The following RORA variants were observed in gnomAD, a reference collection of about 807,000 sequenced individuals.
RORA encodes the protein nuclear receptor ROR-alpha.
RORA carries 7 observed loss-of-function variants against 69.5 expected under a neutral mutation model. That is an observed-to-expected ratio of 0.10 (90% confidence interval 0.06 to 0.19). The LOEUF (loss-of-function observed/expected upper bound fraction) is 0.19, where lower values mean the gene tolerates loss of function less well. Ranked by LOEUF, RORA falls within the 10% of genes least tolerant of loss-of-function variation. The probability of loss-of-function intolerance (pLI) is 1.00; values close to 1 mark genes in which losing one functional copy is unlikely to be tolerated. For missense variants in RORA, 457 were observed against 663.0 expected, an observed-to-expected ratio of 0.69 and a Z score of 3.41; for synonymous variants, 261 against 240.8, an observed-to-expected ratio of 1.08 and a Z score of -0.78.
At chr15:61,087,400 G>A (rs1019325742) in intron 1 of RORA, among the ~76,000 whole-genome samples, 1 of 152,190 alleles carries the variant, frequency 6.6e-6, no homozygotes, top group African/African-American at 2.4e-5. Flanking sequence ...CTGGCTCTCA[G>A]CAGTGTCTTC....
intron 2 of RORA, among the ~76,000 whole-genome samples, chr15:60,617,300 A>G (rs1436377706): frequency 6.6e-6 from 1 of 152,190 alleles, no homozygotes; most frequent in East Asian, 1.9e-4. Flanking sequence ...CCCAGTCTTC[A>G]TTAAGTGCTT....
intron 1 of RORA, among the ~76,000 whole-genome samples, chr15:60,770,730 C>T (rs928071361): frequency 6.6e-6 from 1 of 152,200 alleles, no homozygotes; most frequent in African/African-American, 2.4e-5. Context: ...ACAAGAGATC[C>T]TCCTGCCTCA....
chr15:60,919,529 C>T (rs1021017497), intron 1 of RORA, among the ~76,000 whole-genome samples: 1 of 152,174 alleles, frequency 6.6e-6, no homozygotes, highest in Non-Finnish European at 1.5e-5. Context: ...GCCTCTGCAT[C>T]CATTATAGAG....
intron 1 of RORA, among the ~76,000 whole-genome samples, chr15:61,228,729 G>A (rs1455027155): frequency 1.3e-5 from 2 of 152,046 alleles, no homozygotes; most frequent in African/African-American, 4.8e-5. Context: ...TATTTTGGGG[G>A]AGCGTATTTA....
intron 2 of RORA, among the ~76,000 whole-genome samples, chr15:60,639,671 C>A (rs2069906449): frequency 6.6e-6 from 1 of 152,172 alleles, no homozygotes; most frequent in Admixed American, 6.5e-5. Flanking sequence ...CATCGGGTTG[C>A]ACAAGCAATT....
At chr15:60,860,449 G>C (rs2073426388) in intron 1 of RORA, among the ~76,000 whole-genome samples, 1 of 152,176 alleles carries the variant, frequency 6.6e-6, no homozygotes, top group Non-Finnish European at 1.5e-5. Flanking sequence ...TTCTGAGAAT[G>C]AAGTGTATTT....
chr15:60,635,723 C>A (rs2069823874), intron 2 of RORA, among the ~76,000 whole-genome samples: 1 of 152,118 alleles, frequency 6.6e-6, no homozygotes, highest in African/African-American at 2.4e-5. Flanking sequence ...GACTTGGGCC[C>A]TCCACTTCCT....
At chr15:60,922,165 G>A (rs1050288597) in intron 1 of RORA, among the ~76,000 whole-genome samples, 12 of 152,288 alleles carry the variant, frequency 7.9e-5, no homozygotes, top group African/African-American at 2.4e-4. Flanking sequence ...GGTTGTTGGG[G>A]CTTGGGGGAG....
chr15:60,998,209 G>A (rs560890587), intron 1 of RORA, among the ~76,000 whole-genome samples: 1 of 152,176 alleles, frequency 6.6e-6, no homozygotes, highest in South Asian at 2.1e-4. Flanking sequence ...TGCCACCCAG[G>A]CTGGAGTACA....
intron 2 of RORA, among the ~76,000 whole-genome samples, chr15:60,612,034 C>T (rs1161043355): frequency 6.6e-6 from 1 of 152,186 alleles, no homozygotes; most frequent in Non-Finnish European, 1.5e-5. Flanking sequence ...TCTATCGGCT[C>T]TTTCCCTGTT....
At chr15:60,522,406 T>C (rs1238630830) in intron 3 of RORA, among the ~76,000 whole-genome samples, 1 of 152,220 alleles carries the variant, frequency 6.6e-6, no homozygotes, top group Non-Finnish European at 1.5e-5. Context: ...TTTTGCTTTA[T>C]TGTCTAGATT....
chr15:60,657,588 T>C (rs1403741193), intron 2 of RORA, among the ~76,000 whole-genome samples: 1 of 152,216 alleles, frequency 6.6e-6, no homozygotes. Context: ...GCAGACCCTT[T>C]AGAATCTCCT....
At chr15:61,008,019 AT>A (rs1247496714) in intron 1 of RORA, among the ~76,000 whole-genome samples, 1 of 151,890 alleles carries the variant, frequency 6.6e-6, no homozygotes, top group East Asian at 1.9e-4. Context: ...CCAAAATAGT[AT>A]TTAGATTTCA....
At chr15:61,123,577 A>G (rs2140823802) in intron 1 of RORA, among the ~76,000 whole-genome samples, 1 of 152,330 alleles carries the variant, frequency 6.6e-6, no homozygotes, top group East Asian at 1.9e-4. Flanking sequence ...CTAGATGCAC[A>G]CTGGAAACAC....
At chr15:60,707,117 A>G (rs563275004) in intron 1 of RORA, among the ~76,000 whole-genome samples, 111 of 152,200 alleles carry the variant, frequency 7.3e-4, no homozygotes, top group African/African-American at 2.5e-3. Flanking sequence ...ATGGCCCTCA[A>G]TTGGCCACTG....
chr15:61,048,736 G>A (rs752851503), intron 1 of RORA, among the ~76,000 whole-genome samples: 4 of 152,196 alleles, frequency 2.6e-5, no homozygotes, highest in Non-Finnish European at 4.4e-5. Context: ...TGTGTGGGAA[G>A]CCTAAGGGGT....
chr15:60,805,822 G>A (rs1567197469), intron 1 of RORA, among the ~76,000 whole-genome samples: 1 of 152,146 alleles, frequency 6.6e-6, no homozygotes, highest in Non-Finnish European at 1.5e-5. Context: ...CCAACTAAGA[G>A]GGTCATTTCA....
intron 1 of RORA, among the ~76,000 whole-genome samples, chr15:60,699,252 A>G (rs566445515): frequency 2.6e-5 from 4 of 152,270 alleles, no homozygotes; most frequent in African/African-American, 7.2e-5. Context: ...ATTTATTGCA[A>G]AAATATATTC....
At chr15:61,186,922 T>C (rs1254700386) in intron 1 of RORA, among the ~76,000 whole-genome samples, 2 of 152,166 alleles carry the variant, frequency 1.3e-5, no homozygotes, top group Admixed American at 6.5e-5. Context: ...GAGCCCTCTG[T>C]GCTGGCTTCT....
Sources: allele counts gnomAD v4.1 joint callset (sites outside exome capture counted in the v4.1 genomes callset), GRCh38; gene constraint gnomAD v4.1.1; transcripts MANE v1.5; gene names NCBI Gene and HGNC (gene_info 2026-07-23, HGNC 2026-07-21).